PHF14: variants seen among roughly 807,000 people sequenced by gnomAD.
PHF14 encodes PHD finger protein 14.
In PHF14, 55 loss-of-function variants were observed where a neutral mutation model predicts 117.9. The observed-to-expected ratio is 0.47, with a 90% CI of 0.38 to 0.58. The LOEUF (loss-of-function observed/expected upper bound fraction) is 0.58. Ranked by LOEUF, PHF14 falls within the 20% of genes least tolerant of loss-of-function variation. The probability of loss-of-function intolerance (pLI) is 0.00; values close to 1 mark genes in which losing one functional copy is unlikely to be tolerated. For missense variants in PHF14, 978 were observed against 1,122.2 expected, an observed-to-expected ratio of 0.87 and a Z score of 1.84; for synonymous variants, 409 against 368.6, an observed-to-expected ratio of 1.11 and a Z score of -1.26.
rs1169772488 is a variant in PHF14 at position 11,082,987 on chromosome 7, T to TAAA, written c.2654+20902_2654+20903insAAA. ...GTACCAGCTCACATTCCTTTCCTTA[T>TAAA]TTGGGAAGAAAACTAGCTCTCTAGC... On this transcript the variant is annotated intron_variant, in intron 16 of 17. Transcript: ENST00000634607. Among the ~76,000 whole-genome samples the TAAA allele has an allele frequency of 6.6e-5, 10 of 152,282 alleles. 1 individual carries two copies. Among genetic ancestry groups the TAAA allele is most frequent in the Admixed American group, 6.5e-4 (10 of 15,290 alleles).
At chr7:11,040,373 T>C (rs950586477) in intron 11 of PHF14, among the ~76,000 whole-genome samples, 3 of 152,114 alleles carry the variant, frequency 2.0e-5, no homozygotes, top group Non-Finnish European at 4.4e-5. Context: ...TACTGTGTTT[T>C]GTTTTTTTTA....
intron 4 of PHF14, chr7:11,006,977 C>G: frequency 7.5e-6 from 3 of 402,472 alleles, no homozygotes; most frequent in Non-Finnish European, 1.4e-5. Flanking sequence ...GAGTTTGATA[C>G]CAGCCTGGTT....
At chr7:11,081,886 T>C (rs1786123213) in intron 16 of PHF14, among the ~76,000 whole-genome samples, 1 of 151,986 alleles carries the variant, frequency 6.6e-6, no homozygotes, top group African/African-American at 2.4e-5. Context: ...ATGATCTTAA[T>C]TTTTTATAAA....
chr7:10,997,266 C>A (rs1782687876), intron 4 of PHF14, among the ~76,000 whole-genome samples: 1 of 152,098 alleles, frequency 6.6e-6, no homozygotes, highest in South Asian at 2.1e-4. Context: ...AATTTAGTAA[C>A]ATGAGGGTCA....
intron 16 of PHF14, chr7:11,062,556 A>T: frequency 3.4e-6 from 1 of 290,912 alleles, no homozygotes; most frequent in Non-Finnish European, 5.1e-6. Flanking sequence ...AAATGTGTTA[A>T]ATGCTTCTCC....
At chr7:11,148,445 C>G (rs532364199) in intron 17 of PHF14, among the ~76,000 whole-genome samples, 18 of 152,246 alleles carry the variant, frequency 1.2e-4, no homozygotes, top group African/African-American at 4.1e-4. Context: ...ATGACTGTTT[C>G]CTTCAAGTCA....
At chr7:10,978,033 A>T (rs1454886999) in intron 2 of PHF14, among the ~76,000 whole-genome samples, 1 of 152,190 alleles carries the variant, frequency 6.6e-6, no homozygotes, top group African/African-American at 2.4e-5. Context: ...CCTATCCCCC[A>T]CCAGGCAAAG....
At chr7:11,002,944 G>A (rs1014207778) in intron 4 of PHF14, among the ~76,000 whole-genome samples, 1 of 151,558 alleles carries the variant, frequency 6.6e-6, no homozygotes, top group African/African-American at 2.4e-5. Flanking sequence ...TCTTCAGGGT[G>A]ATTTTTCTTT....
At position 11,111,404 on chromosome 7, in the gene PHF14, A is replaced by G. The variant is rs1304405145; in HGVS notation, c.2709A>G (p.Lys903=). 8 of 1,609,330 alleles carry G rather than the reference A, an allele frequency of 5.0e-6. No individual in the cohort carries two copies. Among genetic ancestry groups the G allele is most frequent in the East Asian group, 2.2e-5 (1 of 44,698 alleles). Residue 903 remains lysine, a synonymous_variant, in exon 17 of 18, where the codon AAA becomes AAG. Coordinates refer to ENST00000634607, the MANE Select transcript of PHF14 (RefSeq NM_001007157.2). Reference sequence around the variant, plus strand: ...TTGGCTGTTTGGATCCTCCTTTGAAAAAGTCTCCTAAACAGACAGGCTACG... The same window carrying G: ...TTGGCTGTTTGGATCCTCCTTTGAAGAAGTCTCCTAAACAGACAGGCTACG... ...YHFGCLDPPL[K]KSPKQTGYGW... is the part of the protein sequence containing the mutation.
At chr7:11,100,570 T>G (rs1443211649) in intron 16 of PHF14, among the ~76,000 whole-genome samples, 1 of 151,996 alleles carries the variant, frequency 6.6e-6, no homozygotes, top group Non-Finnish European at 1.5e-5. Context: ...ACTACCATAG[T>G]GTATGATAAA....
chr7:11,161,767 A>G (rs1321961599), intron 17 of PHF14, among the ~76,000 whole-genome samples: 9 of 148,916 alleles, frequency 6.0e-5, no homozygotes, highest in Admixed American at 2.7e-4. Flanking sequence ...GATTTTAGAT[A>G]ACATTTTTAG....
At chr7:11,116,753 T>G (rs1787612468) in intron 17 of PHF14, among the ~76,000 whole-genome samples, 1 of 151,962 alleles carries the variant, frequency 6.6e-6, no homozygotes, top group South Asian at 2.1e-4. Flanking sequence ...TGAGATTTTA[T>G]GAGCAGTTAG....
intron 3 of PHF14, among the ~76,000 whole-genome samples, chr7:10,987,394 T>C (rs906700335): frequency 6.6e-6 from 1 of 152,120 alleles, no homozygotes; most frequent in Non-Finnish European, 1.5e-5. Context: ...ATTTAGCCTA[T>C]TGTATATATC....
chr7:11,117,219 CTA>C (rs1787623051), intron 17 of PHF14, among the ~76,000 whole-genome samples: 1 of 151,888 alleles, frequency 6.6e-6, no homozygotes, highest in African/African-American at 2.4e-5. Flanking sequence ...TTGTTTAAAG[CTA>C]TGTTTTGTGA....
intron 16 of PHF14, among the ~76,000 whole-genome samples, chr7:11,073,073 A>C (rs1348134193): frequency 6.6e-6 from 1 of 152,082 alleles, no homozygotes; most frequent in African/African-American, 2.4e-5. Context: ...CATCCAAACT[A>C]TATACTTTCA....
chr7:10,992,878 G>GAAC (rs774116143), intron 4 of PHF14, among the ~76,000 whole-genome samples: 8 of 152,210 alleles, frequency 5.3e-5, no homozygotes, highest in East Asian at 1.9e-4. Context: ...CTTTAATGTA[G>GAAC]AACAGTCCTT....
intron 16 of PHF14, among the ~76,000 whole-genome samples, chr7:11,083,035 CCT>C (rs1280730518): frequency 6.6e-6 from 1 of 152,204 alleles, no homozygotes; most frequent in African/African-American, 2.4e-5. Context: ...ACTTCTACCC[CCT>C]CTCCCCTCTC....
chr7:11,093,746 T>A (rs1749263401), intron 16 of PHF14, among the ~76,000 whole-genome samples: 1 of 152,192 alleles, frequency 6.6e-6, no homozygotes, highest in East Asian at 1.9e-4. Context: ...GCTTGGTTCT[T>A]GAGTGTAGGC....
chr7:11,123,010 A>G (rs141425591), intron 17 of PHF14, among the ~76,000 whole-genome samples: 1 of 152,246 alleles, frequency 6.6e-6, no homozygotes, highest in East Asian at 1.9e-4. Flanking sequence ...TTTTAAAAAT[A>G]CTTCTTTCTC....
Sources: gnomAD v4.1 joint callset for allele counts (sites outside exome capture counted in the v4.1 genomes callset) on GRCh38, gnomAD v4.1.1 for gene constraint, MANE v1.5 for transcripts, NCBI Gene and HGNC (gene_info 2026-07-23, HGNC 2026-07-21) for gene names.